WDR27: variants seen among roughly 807,000 people sequenced by gnomAD.
WDR27 encodes the protein WD repeat domain 27, also known as WD repeat-containing protein 27.
A neutral mutation model predicts 114.4 loss-of-function variants in WDR27; 100 were observed. The ratio of observed to expected loss-of-function variants is 0.87; its 90% CI spans 0.74 to 1.03. The LOEUF (loss-of-function observed/expected upper bound fraction) is 1.03, where lower values mean the gene tolerates loss of function less well. Among genes scored for constraint, WDR27 ranks in the 50% least tolerant of loss-of-function variants. WDR27 has a pLI of 0.00. For synonymous variants in WDR27, 449 were observed against 423.1 expected (o/e 1.06, Z -0.75); for missense variants, 1,129 against 1,092.9 (o/e 1.03, Z -0.47).
intron 24 of WDR27, among the ~76,000 whole-genome samples, chr6:169,579,211 C>T (rs1317510929): frequency 6.6e-6 from 1 of 152,122 alleles, no homozygotes; most frequent in Admixed American, 6.5e-5. Context: ...GAAAAACTTG[C>T]TTAAGTCATA....
rs1161694081 is a variant in WDR27 at position 169,510,582 on chromosome 6, G to C, written c.2646-52948C>G. Among the ~76,000 whole-genome samples, 8 of 143,308 alleles carry C rather than the reference G, an allele frequency of 5.6e-5. No homozygotes were observed. The East Asian group carries it at 1.7e-3, about 31-fold the overall frequency. 94.0% of individuals were successfully genotyped at this position (143,308 alleles called of 152,430 possible). ...CACCCATAGGTGGGAATTGAACAAT[G>C]AGAACACATGGACACAGGAAGGGGA... On this transcript the variant is annotated intron_variant, in intron 25 of 25. Coordinates refer to ENST00000448612, the MANE Select transcript of WDR27 (RefSeq NM_182552.5).
chr6:169,504,445 A>C (rs894430943), intron 25 of WDR27, among the ~76,000 whole-genome samples: 2 of 152,172 alleles, frequency 1.3e-5, no homozygotes, highest in African/African-American at 4.8e-5. Context: ...AATGGCTGCC[A>C]CCATGTAAGA....
At chr6:169,426,622 A>C in the WDR27 span, 4 of 152,210 alleles carry the variant, frequency 2.6e-5, no homozygotes, top group African/African-American at 9.6e-5. Context: ...GCCGTGACAC[A>C]GCCACAGTCC....
chr6:169,643,743 T>G lies in WDR27; in HGVS notation c.1701A>C (p.Leu567Phe). ...CAGTCAGGCTGGCATCAAAAACGAGTAACAGATGGTTGGCCAACCCACAGG... is the reference window on the plus strand; with the variant it reads ...CAGTCAGGCTGGCATCAAAAACGAGGAACAGATGGTTGGCCAACCCACAGG... ...WLACGLANHL[L>F]LVFDASLTGT... The change falls in exon 17 of 26, where the codon TTA becomes TTC. Residue 567 changes from leucine to phenylalanine, a missense_variant. Leu to Phe is a conservative substitution (Grantham distance 22). Transcript: ENST00000448612. The G allele has an allele frequency of 1.2e-6, 2 of 1,613,654 alleles. No homozygotes were observed. Among genetic ancestry groups the G allele is most frequent in the Non-Finnish European group, 1.7e-6 (2 of 1,179,766 alleles).
chr6:169,669,891 A>G (rs1000375872), intron 4 of WDR27: 1 of 152,156 alleles, frequency 6.6e-6, no homozygotes, highest in Admixed American at 6.5e-5. Context: ...TCCATGCCGA[A>G]CATCCTTCCT....
intron 8 of WDR27, among the ~76,000 whole-genome samples, chr6:169,662,633 G>C (rs530653643): frequency 6.6e-6 from 1 of 150,982 alleles, no homozygotes; most frequent in Non-Finnish European, 1.5e-5. Flanking sequence ...AAAGCACTAA[G>C]GTAACACCCA....
chr6:169,430,939 G>A, the WDR27 span, among the ~76,000 whole-genome samples: 1 of 152,056 alleles, frequency 6.6e-6, no homozygotes, highest in Admixed American at 6.6e-5. Flanking sequence ...ATCTTGTCCT[G>A]CCCATATAAA....
chr6:169,488,602 G>C (rs1789268394), intron 25 of WDR27, among the ~76,000 whole-genome samples: 2 of 152,190 alleles, frequency 1.3e-5, no homozygotes, highest in Non-Finnish European at 2.9e-5. Context: ...AAACCCCCTT[G>C]TCCTGTAATA....
intron 21 of WDR27, among the ~76,000 whole-genome samples, chr6:169,625,907 C>T (rs1045115625): frequency 6.6e-6 from 1 of 152,154 alleles, no homozygotes; most frequent in African/African-American, 2.4e-5. Context: ...GTCCAGGCCA[C>T]CACAGAAGCC....
At chr6:169,626,109 T>G (rs1264521292) in intron 21 of WDR27, among the ~76,000 whole-genome samples, 1 of 152,110 alleles carries the variant, frequency 6.6e-6, no homozygotes, top group Non-Finnish European at 1.5e-5. Context: ...CAGTGAAGAT[T>G]AAAATAACCC....
rs563182257 is a variant in WDR27 at position 169,633,497 on chromosome 6, A to G, written c.2102-429T>C. On this transcript the variant is annotated intron_variant, in intron 20 of 25. Coordinates refer to ENST00000448612, the MANE Select transcript of WDR27 (RefSeq NM_182552.5). ...GACAGCACCTGGGGCAGGCTTCACG[A>G]TGGGAGACACAACCCAGACAGTGCC... 1.5e-4 allele frequency among the ~76,000 whole-genome samples: 23 copies of G among 152,354 alleles called. No homozygotes were observed. The South Asian group carries it at 4.1e-3, about 27-fold the overall frequency.
intron 25 of WDR27, among the ~76,000 whole-genome samples, chr6:169,547,884 T>C (rs1349839076): frequency 1.8e-4 from 28 of 152,018 alleles, no homozygotes; most frequent in Admixed American, 1.8e-3. Flanking sequence ...GATGACATGA[T>C]TGTCTACATA....
At chr6:169,587,876 A>T (rs1356497230) in intron 23 of WDR27, among the ~76,000 whole-genome samples, 1 of 152,184 alleles carries the variant, frequency 6.6e-6, no homozygotes, top group Admixed American at 6.5e-5. Flanking sequence ...GGATTCATTT[A>T]TCCTGAAATG....
intron 23 of WDR27, among the ~76,000 whole-genome samples, chr6:169,589,051 C>G (rs1263107579): frequency 6.6e-6 from 1 of 152,172 alleles, no homozygotes; most frequent in Non-Finnish European, 1.5e-5. Flanking sequence ...CTCAAATTCC[C>G]TCTAATCTCA....
intron 22 of WDR27, among the ~76,000 whole-genome samples, chr6:169,604,437 A>G (rs1439421818): frequency 6.6e-6 from 1 of 152,148 alleles, no homozygotes; most frequent in Non-Finnish European, 1.5e-5. Context: ...TCAATAATGA[A>G]TAGAAAGACT....
intron 7 of WDR27, 61 bp downstream of exon 7, chr6:169,665,425 G>C: frequency 6.4e-7 from 1 of 1,569,246 alleles, no homozygotes. Context: ...AAAGACCTTT[G>C]TGTACAAGCT....
At chr6:169,652,388 A>G (rs1822835620) in intron 13 of WDR27, among the ~76,000 whole-genome samples, 1 of 152,216 alleles carries the variant, frequency 6.6e-6, no homozygotes, top group Non-Finnish European at 1.5e-5. Flanking sequence ...AGCTGGGATT[A>G]CAGGCACACG....
chr6:169,556,594 A>G (rs945656720), intron 25 of WDR27, among the ~76,000 whole-genome samples: 3 of 152,360 alleles, frequency 2.0e-5, no homozygotes, highest in Non-Finnish European at 2.9e-5. Flanking sequence ...GAAAGCATTA[A>G]GCAAATCTAA....
the WDR27 span, among the ~76,000 whole-genome samples, chr6:169,443,143 T>G: frequency 6.6e-6 from 1 of 152,160 alleles, no homozygotes. Context: ...TTTAAATGGT[T>G]CATGCAGATT....
Sources: gnomAD v4.1 joint callset for allele counts (sites outside exome capture counted in the v4.1 genomes callset) on GRCh38, gnomAD v4.1.1 for gene constraint, MANE v1.5 for transcripts, NCBI Gene and HGNC (gene_info 2026-07-23, HGNC 2026-07-21) for gene names.